Variants in PLEKHA5 observed in about 807,000 individuals in gnomAD.
PLEKHA5 encodes the protein pleckstrin homology domain containing A5, also known as pleckstrin homology domain-containing family A member 5.
PLEKHA5 carries 55 observed loss-of-function variants against 181.9 expected under a neutral mutation model. The ratio of observed to expected loss-of-function variants is 0.30; its 90% CI spans 0.24 to 0.38. The LOEUF is 0.38. Ranked by LOEUF, PLEKHA5 falls within the 10% of genes least tolerant of loss-of-function variation. The probability of loss-of-function intolerance (pLI) is 1.00; values close to 1 mark genes in which losing one functional copy is unlikely to be tolerated. For synonymous variants in PLEKHA5, 535 were observed against 529.4 expected, an observed-to-expected ratio of 1.01 and a Z score of -0.15; for missense variants, 1,432 against 1,549.5, an observed-to-expected ratio of 0.92 and a Z score of 1.27.
At chr12:19,270,411 T>G (rs7300473) in intron 10 of PLEKHA5, among the ~76,000 whole-genome samples, 12,259 of 152,220 alleles carry the variant, frequency 0.081, 697 homozygotes, top group African/African-American at 0.17. Flanking sequence ...TTCTGATTAA[T>G]TTTTATTGTT....
chr12:19,256,141 T>C (rs1039425272), intron 5 of PLEKHA5, among the ~76,000 whole-genome samples: 8 of 152,148 alleles, frequency 5.3e-5, no homozygotes, highest in African/African-American at 1.9e-4. Context: ...GGAAAGAAAA[T>C]GGAATTTACT....
intron 3 of PLEKHA5, among the ~76,000 whole-genome samples, chr12:19,196,801 C>CT (rs769847463): frequency 1.1e-3 from 118 of 109,110 alleles, no homozygotes; most frequent in East Asian, 4.8e-3. Flanking sequence ...CTTGTTTTTT[C>CT]TTTTTTTTTT....
At position 19,183,354 on chromosome 12, in the gene PLEKHA5, T is replaced by C. The variant is rs537291909; in HGVS notation, c.227+50904T>C. ...TCTGAGTGCCAGAGAGCCACTGTTA[T>C]CATATTCTCTTTCATGAGCACCAAA... is the stretch of plus-strand genomic sequence containing the variant. On this transcript the variant is annotated intron_variant, in intron 3 of 31. Coordinates refer to ENST00000429027, the MANE Select transcript of PLEKHA5 (RefSeq NM_001256470.2). Among the ~76,000 whole-genome samples, 9 of 152,338 alleles carry C rather than the reference T, an allele frequency of 5.9e-5. No individual in the cohort carries two copies. In the South Asian group the frequency reaches 1.5e-3, roughly 25 times the overall value.
chr12:19,362,567 C>T (rs1473397118), intron 29 of PLEKHA5, among the ~76,000 whole-genome samples: 4 of 151,798 alleles, frequency 2.6e-5, no homozygotes, highest in African/African-American at 9.7e-5. Context: ...AATACATGTA[C>T]AGCACTTTAC....
Position 19,155,212 on chromosome 12 carries a change from A to G in PLEKHA5, c.227+22762A>G, listed in dbSNP as rs570544551. Among the ~76,000 whole-genome samples, 6 of 152,322 alleles carry G rather than the reference A, an allele frequency of 3.9e-5. No individual in the cohort carries two copies. In the South Asian group the frequency reaches 1.2e-3, roughly 32 times the overall value. On this transcript the variant is annotated intron_variant, in intron 3 of 31. Coordinates refer to ENST00000429027, the MANE Select transcript of PLEKHA5 (RefSeq NM_001256470.2). ...TAGGAAGACCTCACAAGCTCTATGT[A>G]AAATAAATATGTTTTTATAATATCA... is the stretch of plus-strand genomic sequence containing the variant.
At chr12:19,168,037 A>G (rs1207209358) in intron 3 of PLEKHA5, among the ~76,000 whole-genome samples, 1 of 152,206 alleles carries the variant, frequency 6.6e-6, no homozygotes, top group African/African-American at 2.4e-5. Flanking sequence ...GACTAAAACT[A>G]CTTCATACTG....
chr12:19,227,557 A>G (rs2059873466), intron 3 of PLEKHA5, among the ~76,000 whole-genome samples: 2 of 152,184 alleles, frequency 1.3e-5, no homozygotes, highest in Admixed American at 1.3e-4. Flanking sequence ...CTCAAGATTA[A>G]TTCATGCTCT....
At chr12:19,224,417 AC>A (rs869176857) in intron 3 of PLEKHA5, among the ~76,000 whole-genome samples, 56 of 152,188 alleles carry the variant, frequency 3.7e-4, no homozygotes, top group African/African-American at 1.3e-3. Context: ...TCTACCATTA[AC>A]TTCTTTTCCC....
chr12:19,249,655 A>G (rs1010568473), intron 3 of PLEKHA5, among the ~76,000 whole-genome samples: 7 of 152,206 alleles, frequency 4.6e-5, no homozygotes, highest in South Asian at 4.1e-4. Flanking sequence ...GTGTATATAC[A>G]TGTATATGCT....
intron 3 of PLEKHA5, among the ~76,000 whole-genome samples, chr12:19,203,924 A>G (rs757233583): frequency 2.0e-5 from 3 of 152,072 alleles, no homozygotes; most frequent in Non-Finnish European, 2.9e-5. Flanking sequence ...TGAGTACTGT[A>G]GGTAACTTAC....
intron 31 of PLEKHA5, chr12:19,370,878 A>G (rs1158548956): frequency 6.6e-6 from 1 of 151,658 alleles, no homozygotes; most frequent in Non-Finnish European, 1.5e-5. Flanking sequence ...TCTTATAGAG[A>G]CAGTCTTACT....
intron 3 of PLEKHA5, chr12:19,154,096 T>C (rs2151356756): frequency 6.6e-6 from 1 of 152,366 alleles, no homozygotes; most frequent in African/African-American, 2.4e-5. Context: ...GCCATCAGAA[T>C]GAAGCCAACA....
At chr12:19,267,513 A>C (rs1481577182) in intron 8 of PLEKHA5, among the ~76,000 whole-genome samples, 1 of 151,960 alleles carries the variant, frequency 6.6e-6, no homozygotes, top group Non-Finnish European at 1.5e-5. Flanking sequence ...TACAAAAATT[A>C]ACCAGACATT....
At chr12:19,272,754 T>C (rs1287614480) in intron 10 of PLEKHA5, among the ~76,000 whole-genome samples, 1 of 152,150 alleles carries the variant, frequency 6.6e-6, no homozygotes, top group Non-Finnish European at 1.5e-5. Flanking sequence ...ATAATGATAA[T>C]AATCATGATG....
intron 20 of PLEKHA5, among the ~76,000 whole-genome samples, chr12:19,335,899 T>A (rs1461498570): frequency 6.6e-6 from 1 of 152,150 alleles, no homozygotes; most frequent in Non-Finnish European, 1.5e-5. Flanking sequence ...CCCAAAGTGC[T>A]GAGATTACAG....
At chr12:19,245,472 G>A (rs2063490930) in intron 3 of PLEKHA5, among the ~76,000 whole-genome samples, 2 of 151,962 alleles carry the variant, frequency 1.3e-5, no homozygotes, top group South Asian at 4.1e-4. Flanking sequence ...TGAGAAAGAT[G>A]GCCAGGGAGA....
At chr12:19,148,305 C>T (rs2039476655) in intron 3 of PLEKHA5, among the ~76,000 whole-genome samples, 1 of 152,228 alleles carries the variant, frequency 6.6e-6, no homozygotes, top group African/African-American at 2.4e-5. Flanking sequence ...GATCCACCCG[C>T]CTTGGCCTCC....
At chr12:19,268,134 CTG>C (rs1438455157) in intron 8 of PLEKHA5, among the ~76,000 whole-genome samples, 1 of 152,090 alleles carries the variant, frequency 6.6e-6, no homozygotes, top group Non-Finnish European at 1.5e-5. Context: ...TCAAAATAAA[CTG>C]TATCAACAGT....
chr12:19,162,471 A>G (rs897453711), intron 3 of PLEKHA5, among the ~76,000 whole-genome samples: 2 of 152,092 alleles, frequency 1.3e-5, no homozygotes, highest in East Asian at 1.9e-4. Flanking sequence ...TATTTTATGG[A>G]TAGCATTTAC....
Sources: gnomAD v4.1 joint callset for allele counts (sites outside exome capture counted in the v4.1 genomes callset) on GRCh38, gnomAD v4.1.1 for gene constraint, MANE v1.5 for transcripts, NCBI Gene and HGNC (gene_info 2026-07-23, HGNC 2026-07-21) for gene names.